The following ATXN10 variants were observed in gnomAD, a reference collection of about 807,000 sequenced individuals.
ATXN10 encodes the protein ataxin 10.
Under a neutral mutation model 52.9 loss-of-function variants are expected in ATXN10, and 28 were observed. The observed-to-expected ratio is 0.53, with a 90% CI of 0.39 to 0.73. ATXN10 has a LOEUF of 0.73. ATXN10 is among the 30% of genes least tolerant of loss of function. ATXN10 has a pLI of 0.00. For synonymous variants in ATXN10, 226 were observed against 221.5 expected, an observed-to-expected ratio of 1.02 and a Z score of -0.18; for missense variants, 565 against 577.0, an observed-to-expected ratio of 0.98 and a Z score of 0.21.
At chr22:45,822,455 A>G (rs768223060) in intron 10 of ATXN10, among the ~76,000 whole-genome samples, 10 of 151,594 alleles carry the variant, frequency 6.6e-5, no homozygotes, top group Non-Finnish European at 1.5e-4. Flanking sequence ...CACTTGATGC[A>G]GTCAGACCTC....
rs544084393 is a variant in ATXN10 at position 45,833,311 on chromosome 22, A to G, written c.1238-9680A>G. Among the ~76,000 whole-genome samples the G allele has an allele frequency of 8.5e-5, 13 of 152,236 alleles. No homozygotes were observed. In the East Asian group the frequency reaches 2.1e-3, roughly 25 times the overall value. On this transcript the variant is annotated intron_variant, in intron 10 of 11. Transcript: ENST00000252934. The surrounding 1 kb of genome is among the most constrained non-coding windows in gnomAD (Gnocchi z 4.3). ...AGGTGGGGTGAGGAGGCAGGTCAGG[A>G]TGGCCATGGTAACTAATGCCATTGG...
chr22:45,672,285 C>T, intron 1 of ATXN10, 106 bp downstream of exon 1: 3 of 1,183,196 alleles, frequency 2.5e-6, no homozygotes, highest in Non-Finnish European at 3.2e-6. Context: ...GCTGGAGACG[C>T]GGAGGGCGAG....
intron 6 of ATXN10, among the ~76,000 whole-genome samples, chr22:45,723,212 AG>A (rs1924729593): frequency 6.6e-6 from 1 of 152,110 alleles, no homozygotes; most frequent in Non-Finnish European, 1.5e-5. Context: ...AGATATATAT[AG>A]ATAGGTATAT....
intron 6 of ATXN10, among the ~76,000 whole-genome samples, chr22:45,723,689 C>T (rs926375784): frequency 1.3e-5 from 2 of 152,136 alleles, no homozygotes; most frequent in Admixed American, 6.5e-5. Flanking sequence ...GGCATGGTGG[C>T]TCACACCTGT....
intron 10 of ATXN10, among the ~76,000 whole-genome samples, chr22:45,831,919 G>A (rs1204084916): frequency 6.6e-6 from 1 of 152,210 alleles, no homozygotes; most frequent in East Asian, 1.9e-4. Context: ...TGCACTGAGT[G>A]TGTTGTGCAC....
At position 45,689,801 on chromosome 22, in the gene ATXN10, C is replaced by T; in HGVS notation, c.206C>T (p.Ser69Phe). The T allele has an allele frequency of 6.2e-7, 1 of 1,614,170 alleles. No homozygotes were observed. Among genetic ancestry groups the T allele is most frequent in the Non-Finnish European group, 8.5e-7 (1 of 1,180,030 alleles). Residue 69 changes from serine to phenylalanine, a missense_variant, in exon 2 of 12, where the codon TCC (serine) becomes TTC (phenylalanine). By Grantham distance (155) the Ser-to-Phe change is radical (BLOSUM62 -2). Transcript: ENST00000252934. ...GTTGAGCTTGCCTGCAGAGATCCAT[C>T]CCAAGTGGAAAACCTGGCTTCCAGT... Reference protein sequence around the residue: ...HAVELACRDPSQVENLASSLQ... With the variant: ...HAVELACRDPFQVENLASSLQ...
chr22:45,751,761 A>T (rs1181272765), intron 9 of ATXN10, among the ~76,000 whole-genome samples: 4 of 57,520 alleles, frequency 7.0e-5, no homozygotes, highest in Non-Finnish European at 1.1e-4. Flanking sequence ...AAAATAAAAA[A>T]AAAATAATAA....
Position 45,842,942 on chromosome 22 carries a change from G to A in ATXN10, c.1238-49G>A. The stretch of plus-strand genomic sequence containing the variant: ...CCTTTTCTGATAATTCTTATGTGAA[G>A]TTATCAAACAGGAAAGTACGTTGTC... On this transcript the variant is annotated intron_variant, in intron 10 of 11. Coordinates refer to ENST00000252934, the MANE Select transcript of ATXN10 (RefSeq NM_013236.4). The surrounding 1 kb of genome is among the most constrained non-coding windows in gnomAD (Gnocchi z 4.8). 1.9e-6 allele frequency: 3 copies of A among 1,570,356 alleles called. No individual in the cohort carries two copies. The highest frequency in any genetic ancestry group is 2.6e-6 in the Non-Finnish European group (3 of 1,140,364).
chr22:45,736,435 A>C (rs1267745710), intron 7 of ATXN10, among the ~76,000 whole-genome samples: 2 of 152,038 alleles, frequency 1.3e-5, no homozygotes, highest in Admixed American at 1.3e-4. Context: ...ATTGTCTAAT[A>C]ATCTTTTTCA....
intron 7 of ATXN10, 147 bp from the exon 8 acceptor site, chr22:45,738,584 C>G (rs1269546376): frequency 3.4e-5 from 22 of 653,870 alleles, no homozygotes; most frequent in African/African-American, 7.4e-5. Flanking sequence ...CTGTTTTGTT[C>G]TTCATAGTTT....
intron 3 of ATXN10, among the ~76,000 whole-genome samples, 178 bp downstream of exon 3, chr22:45,693,256 TG>T (rs1222124478): frequency 4.6e-5 from 7 of 152,352 alleles, no homozygotes; most frequent in Admixed American, 3.9e-4. Flanking sequence ...CCTGAATGGC[TG>T]AATTTTGTTC....
rs1317077046 is a variant in ATXN10 at position 45,677,798 on chromosome 22, A to G, written c.116+5619A>G. The G allele has an allele frequency of 6.6e-6, 1 of 152,210 alleles. No individual in the cohort carries two copies. Among genetic ancestry groups the G allele is most frequent in the Non-Finnish European group, 1.5e-5 (1 of 68,034 alleles). The allele number at this position is 152,210 out of a possible 1,614,324, so 9.4% of individuals were successfully genotyped here. A position where few individuals can be genotyped will look rare whatever the true frequency, so the allele number is the denominator to read the frequency against. The stretch of plus-strand genomic sequence containing the variant: ...GCCGTTTAGGATGGCTATTATCCAA[A>G]AAATGGAAAAGAACAAGTATCGTTG... On this transcript the variant is annotated intron_variant, in intron 1 of 11. Transcript: ENST00000252934. This position sits in a 1 kb window ranked among gnomAD's most constrained non-coding sequence, Gnocchi z 4.1.
Position 45,825,564 on chromosome 22 carries a change from C to G in ATXN10, c.1238-17427C>G, listed in dbSNP as rs1928787940. 6.6e-6 allele frequency among the ~76,000 whole-genome samples: 1 copy of G among 152,068 alleles called. No homozygotes were observed. The highest frequency in any genetic ancestry group is 1.5e-5 in the Non-Finnish European group (1 of 68,012). ...GTAACAAAAGTAGCAAACACTTTGT[C>G]TTAGAATCTGAATTCTAGAGTTACC... is the stretch of plus-strand genomic sequence containing the variant. On this transcript the variant is annotated intron_variant, in intron 10 of 11. Transcript: ENST00000252934. This position sits in a 1 kb window ranked among gnomAD's most constrained non-coding sequence, Gnocchi z 4.5.
rs1296032613 is a variant in ATXN10, at chr22:45,780,550, C to T, written c.1174-26409C>T. Among the ~76,000 whole-genome samples, 1 of 152,304 alleles carries T rather than the reference C, an allele frequency of 6.6e-6. No homozygotes were observed. Among genetic ancestry groups the T allele is most frequent in the East Asian group, 1.9e-4 (1 of 5,180 alleles). The stretch of plus-strand genomic sequence containing the variant: ...AACCTGTGCCAGCCTGTTTCCCCCT[C>T]TGTAGAATGGGATAACAGGAAGTCC... On this transcript the variant is annotated intron_variant, in intron 9 of 11. Coordinates refer to ENST00000252934, the MANE Select transcript of ATXN10 (RefSeq NM_013236.4). The surrounding 1 kb of genome is among the most constrained non-coding windows in gnomAD (Gnocchi z 4.0).
chr22:45,739,867 A>G (rs927940973), intron 8 of ATXN10, among the ~76,000 whole-genome samples: 10 of 152,298 alleles, frequency 6.6e-5, no homozygotes, highest in Non-Finnish European at 8.8e-5. Flanking sequence ...TTTCTCCTGA[A>G]TGTAGCTGGA....
intron 9 of ATXN10, among the ~76,000 whole-genome samples, chr22:45,802,541 C>T (rs556124765): frequency 4.6e-5 from 7 of 152,226 alleles, no homozygotes; most frequent in South Asian, 2.1e-4. Context: ...GTCATAATGC[C>T]GCTGTCATCC....
intron 9 of ATXN10, among the ~76,000 whole-genome samples, chr22:45,794,922 T>G (rs1375803541): frequency 6.6e-6 from 1 of 152,226 alleles, no homozygotes; most frequent in Non-Finnish European, 1.5e-5. Flanking sequence ...ACTTTTAATT[T>G]TCTTTGAAAT....
rs976126971 is a variant in ATXN10, at chr22:45,828,225, A to G, written c.1238-14766A>G. Among the ~76,000 whole-genome samples, 1 of 151,910 alleles carries G rather than the reference A, an allele frequency of 6.6e-6. No homozygotes were observed. The highest frequency in any genetic ancestry group is 1.5e-5 in the Non-Finnish European group (1 of 67,990). Reference sequence around the variant, plus strand: ...AAAAGAAAAAAAAAAGAAGAAAAAAATATTTAGAGACAAATGAAAATGAAA... The same window carrying G: ...AAAAGAAAAAAAAAAGAAGAAAAAAGTATTTAGAGACAAATGAAAATGAAA... On this transcript the variant is annotated intron_variant, in intron 10 of 11. Transcript: ENST00000252934. This position sits in a 1 kb window ranked among gnomAD's most constrained non-coding sequence, Gnocchi z 4.5.
At chr22:45,723,622 A>C (rs1022621889) in intron 6 of ATXN10, among the ~76,000 whole-genome samples, 1 of 152,088 alleles carries the variant, frequency 6.6e-6, no homozygotes, top group Non-Finnish European at 1.5e-5. Flanking sequence ...GTGAGAACAT[A>C]TGGTATTTGA....
Sources: allele counts gnomAD v4.1 joint callset (sites outside exome capture counted in the v4.1 genomes callset), GRCh38; gene constraint gnomAD v4.1.1; non-coding constraint Gnocchi (gnomAD v3.1); transcripts MANE v1.5; gene names NCBI Gene and HGNC (gene_info 2026-07-23, HGNC 2026-07-21).